The following JAKMIP2 variants were observed in gnomAD, a reference collection of about 807,000 sequenced individuals.
JAKMIP2 encodes the protein janus kinase and microtubule-interacting protein 2.
Under a neutral mutation model 115.0 loss-of-function variants are expected in JAKMIP2, and 25 were observed. That is an observed-to-expected ratio of 0.22 (90% confidence interval 0.16 to 0.30). The LOEUF is 0.30. Among genes scored for constraint, JAKMIP2 ranks in the 10% least tolerant of loss-of-function variants. JAKMIP2 has a pLI of 1.00. For synonymous variants in JAKMIP2, 334 were observed against 343.6 expected (o/e 0.97, Z 0.31); for missense variants, 642 against 957.6 (o/e 0.67, Z 4.35).
chr5:147,763,172 A>G (rs780551590), intron 1 of JAKMIP2, among the ~76,000 whole-genome samples: 13 of 152,042 alleles, frequency 8.6e-5, no homozygotes, highest in Non-Finnish European at 1.2e-4. Flanking sequence ...ATTTTGGGGG[A>G]GTAGAGGAGA....
At chr5:147,726,634 C>T (rs904081861) in intron 1 of JAKMIP2, among the ~76,000 whole-genome samples, 2 of 152,064 alleles carry the variant, frequency 1.3e-5, no homozygotes, top group African/African-American at 4.8e-5. Context: ...AAGAGGAGTA[C>T]CTTAGGATAG....
At chr5:147,752,941 A>C (rs1012755395) in intron 1 of JAKMIP2, among the ~76,000 whole-genome samples, 4 of 152,146 alleles carry the variant, frequency 2.6e-5, no homozygotes, top group African/African-American at 7.2e-5. Context: ...GAGAATGTTC[A>C]GTTTAAAATG....
chr5:147,648,674 G>A (rs891893834), intron 4 of JAKMIP2, among the ~76,000 whole-genome samples, 200 bp from the exon 5 acceptor site: 12 of 152,104 alleles, frequency 7.9e-5, no homozygotes, highest in African/African-American at 2.4e-4. Flanking sequence ...TGAAGACCAC[G>A]CCAGGTTGTA....
chr5:147,765,351 A>T (rs1755118410), intron 1 of JAKMIP2, among the ~76,000 whole-genome samples: 1 of 152,086 alleles, frequency 6.6e-6, no homozygotes, highest in African/African-American at 2.4e-5. Flanking sequence ...GATGGTGATG[A>T]TGTAATTACT....
intron 17 of JAKMIP2, among the ~76,000 whole-genome samples, chr5:147,621,768 C>A (rs1340440836): frequency 3.3e-5 from 5 of 152,152 alleles, no homozygotes; most frequent in African/African-American, 1.2e-4. Flanking sequence ...CTATAATGTG[C>A]CACACAAATG....
intron 3 of JAKMIP2, among the ~76,000 whole-genome samples, chr5:147,659,133 C>T (rs1758832015): frequency 6.6e-6 from 1 of 151,412 alleles, no homozygotes; most frequent in African/African-American, 2.4e-5. Context: ...CCTGCTCAAA[C>T]AGCTGCCCAG....
At chr5:147,612,143 G>A (rs757523274) in intron 20 of JAKMIP2, 163 bp downstream of exon 20, 7 of 741,824 alleles carry the variant, frequency 9.4e-6, no homozygotes, top group Admixed American at 6.9e-5. Flanking sequence ...ACGCTTTGCT[G>A]GCATTCTGTT....
At chr5:147,623,323 T>C (rs1756940808) in intron 17 of JAKMIP2, among the ~76,000 whole-genome samples, 1 of 152,028 alleles carries the variant, frequency 6.6e-6, no homozygotes, top group Non-Finnish European at 1.5e-5. Context: ...AATTTTTCCT[T>C]GCTAATTAAA....
chr5:147,734,937 C>T (rs1404444893), intron 1 of JAKMIP2, among the ~76,000 whole-genome samples: 1 of 152,132 alleles, frequency 6.6e-6, no homozygotes, highest in African/African-American at 2.4e-5. Context: ...TCCCGAGGCC[C>T]TTGTAGACAC....
intron 1 of JAKMIP2, among the ~76,000 whole-genome samples, chr5:147,722,865 C>CT (rs61038460): frequency 4.4e-4 from 67 of 151,436 alleles, no homozygotes; most frequent in Non-Finnish European, 6.5e-4. Flanking sequence ...ATTCCATCCT[C>CT]TTTTTTTTTA....
At chr5:147,611,745 C>A (rs547564755) in intron 20 of JAKMIP2, among the ~76,000 whole-genome samples, 1 of 152,174 alleles carries the variant, frequency 6.6e-6, no homozygotes, top group African/African-American at 2.4e-5. Context: ...CCACCCCACA[C>A]GCATTTCCAA....
intron 4 of JAKMIP2, 56 bp downstream of exon 4, chr5:147,650,282 G>A: frequency 1.8e-6 from 2 of 1,088,242 alleles, no homozygotes; most frequent in Admixed American, 3.4e-5. Flanking sequence ...GGTAAAACTT[G>A]GGAGCTAAAT....
chr5:147,629,643 G>T, intron 15 of JAKMIP2, 50 bp downstream of exon 15: 2 of 1,331,656 alleles, frequency 1.5e-6, no homozygotes, highest in African/African-American at 1.4e-5. Context: ...AGTATCTCTT[G>T]CCTCTGTTTA....
chr5:147,592,090 G>A (rs565689573), intron 21 of JAKMIP2, among the ~76,000 whole-genome samples: 1 of 152,124 alleles, frequency 6.6e-6, no homozygotes, highest in Non-Finnish European at 1.5e-5. Context: ...AAATGTGCAG[G>A]TTGGTTACAT....
rs147980621 is a variant in JAKMIP2, at chr5:147,617,565, A to T, written c.2346+346T>A. Reference sequence around the variant, plus strand: ...GGCTTGTTTACGGACTGGAGTGAGCAATACATGGGAAGCACTATTTTTGCC... The same window carrying T: ...GGCTTGTTTACGGACTGGAGTGAGCTATACATGGGAAGCACTATTTTTGCC... On this transcript the variant is annotated intron_variant, in intron 19 of 21. Transcript: ENST00000616793. 9.3e-3 allele frequency among the ~76,000 whole-genome samples: 1,422 copies of T among 152,242 alleles called. 15 individuals carry two copies. The highest frequency in any genetic ancestry group is 0.018 in the Admixed American group (282 of 15,292).
At chr5:147,596,016 T>C (rs570867071) in intron 21 of JAKMIP2, among the ~76,000 whole-genome samples, 1 of 152,230 alleles carries the variant, frequency 6.6e-6, no homozygotes, top group African/African-American at 2.4e-5. Flanking sequence ...GAGTAGTAGG[T>C]GTTTACTAGT....
At chr5:147,676,726 G>A (rs183645942) in intron 1 of JAKMIP2, among the ~76,000 whole-genome samples, 2 of 152,326 alleles carry the variant, frequency 1.3e-5, no homozygotes, top group East Asian at 3.9e-4. Flanking sequence ...AAAGATATTA[G>A]AGAAGTTAGA....
At chr5:147,773,886 G>A (rs529618699) in intron 1 of JAKMIP2, among the ~76,000 whole-genome samples, 16 of 152,202 alleles carry the variant, frequency 1.1e-4, no homozygotes, top group African/African-American at 2.9e-4. Flanking sequence ...AGCAAGACAG[G>A]TAAAGCATTC....
At chr5:147,779,029 C>T (rs575536446) in intron 1 of JAKMIP2, among the ~76,000 whole-genome samples, 2 of 152,206 alleles carry the variant, frequency 1.3e-5, no homozygotes, top group African/African-American at 4.8e-5. Flanking sequence ...AAAAGACCAT[C>T]ATTGCGTTAT....
Sources: allele counts gnomAD v4.1 joint callset (sites outside exome capture counted in the v4.1 genomes callset), GRCh38; gene constraint gnomAD v4.1.1; transcripts MANE v1.5; gene names NCBI Gene and HGNC (gene_info 2026-07-23, HGNC 2026-07-21).